The following PCLO variants were observed in gnomAD, a reference collection of about 807,000 sequenced individuals.
PCLO encodes piccolo presynaptic cytomatrix protein.
A neutral mutation model predicts 427.5 loss-of-function variants in PCLO; 82 were observed. That is an observed-to-expected ratio of 0.19 (90% CI 0.16 to 0.23). PCLO has a LOEUF of 0.23. Among genes scored for constraint, PCLO ranks in the 10% least tolerant of loss-of-function variants. PCLO has a pLI of 1.00. For synonymous variants in PCLO, 2,357 were observed against 2,155.4 expected (o/e 1.09, Z -2.59); for missense variants, 6,239 against 6,115.9 (o/e 1.02, Z -0.67).
At chr7:83,055,695 T>A (rs2116285862) in intron 3 of PCLO, among the ~76,000 whole-genome samples, 1 of 152,324 alleles carries the variant, frequency 6.6e-6, no homozygotes, top group East Asian at 1.9e-4. Context: ...TATTGCTGAA[T>A]ATATTTAAAA....
chr7:82,798,390 TC>T (rs529948593), intron 22 of PCLO, among the ~76,000 whole-genome samples: 34 of 152,216 alleles, frequency 2.2e-4, no homozygotes, highest in South Asian at 1.7e-3. Flanking sequence ...TTGTTTTTGT[TC>T]CCCCGCTAAA....
Position 82,837,641 on chromosome 7 carries a change from A to C in PCLO, c.14222+577T>G, listed in dbSNP as rs1792262729. Among the ~76,000 whole-genome samples, 3 of 152,112 alleles carry C rather than the reference A, an allele frequency of 2.0e-5. No individual in the cohort carries two copies. In the South Asian group the frequency reaches 6.2e-4, roughly 32 times the overall value. On this transcript the variant is annotated intron_variant, in intron 15 of 24. Coordinates refer to ENST00000333891, the MANE Select transcript of PCLO (RefSeq NM_033026.6). ...ACTTGCTTATATCAACAATTTATAC[A>C]TCACACAAGAGATTCAAAGAGATAT...
intron 3 of PCLO, among the ~76,000 whole-genome samples, chr7:83,103,675 C>T (rs549045057): frequency 1.3e-5 from 2 of 151,940 alleles, no homozygotes; most frequent in East Asian, 3.9e-4. Context: ...CAAATTGTCA[C>T]AGAAAAACAA....
chr7:82,956,853 G>A lies in PCLO; in HGVS notation c.4100C>T (p.Ser1367Phe), dbSNP rs777276751. 1 of 1,613,758 alleles carries A rather than the reference G, an allele frequency of 6.2e-7. No homozygotes were observed. The highest frequency in any genetic ancestry group is 1.7e-5 in the Admixed American group (1 of 60,014). ...PQGLSDTGYS[S>F]DGISSSLGEI... Reference sequence around the variant, plus strand: ...ACCAAGTGAGCTTGATATTCCATCGGAAGAATATCCCGTGTCGCTCAGACC... The same window carrying A: ...ACCAAGTGAGCTTGATATTCCATCGAAAGAATATCCCGTGTCGCTCAGACC... The change falls in exon 5 of 25, where the codon TCC (serine) becomes TTC (phenylalanine). Residue 1367 changes from serine (S) to phenylalanine (F), a missense_variant. Ser to Phe is a radical substitution (Grantham distance 155, BLOSUM62 -2). Coordinates refer to ENST00000333891, the MANE Select transcript of PCLO (RefSeq NM_033026.6).
At chr7:83,041,902 C>T (rs1310260735) in intron 3 of PCLO, among the ~76,000 whole-genome samples, 6 of 151,816 alleles carry the variant, frequency 4.0e-5, no homozygotes, top group African/African-American at 1.2e-4. Context: ...TACGAGCATC[C>T]CCTAGGGCTT....
At chr7:83,065,207 C>A (rs553402522) in intron 3 of PCLO, among the ~76,000 whole-genome samples, 1 of 152,072 alleles carries the variant, frequency 6.6e-6, no homozygotes, top group Admixed American at 6.6e-5. Flanking sequence ...TAGCCACAGT[C>A]AGCTCAGTAT....
At chr7:83,005,736 T>G (rs970860015) in intron 3 of PCLO, among the ~76,000 whole-genome samples, 1 of 151,634 alleles carries the variant, frequency 6.6e-6, no homozygotes, top group Non-Finnish European at 1.5e-5. Context: ...TACTTTTTAT[T>G]TGTTAATTAT....
At chr7:82,930,587 T>G (rs1794818291) in intron 6 of PCLO, among the ~76,000 whole-genome samples, 1 of 152,158 alleles carries the variant, frequency 6.6e-6, no homozygotes, top group Admixed American at 6.6e-5. Flanking sequence ...AAGTAGAAAC[T>G]AATGTTCAAA....
intron 3 of PCLO, among the ~76,000 whole-genome samples, chr7:82,995,048 G>A (rs1796464999): frequency 6.6e-6 from 1 of 151,978 alleles, no homozygotes; most frequent in Admixed American, 6.6e-5. Flanking sequence ...AAGTGATGAT[G>A]CTGAGGTAAT....
intron 3 of PCLO, among the ~76,000 whole-genome samples, chr7:83,007,594 T>G (rs1787979007): frequency 6.6e-6 from 1 of 151,636 alleles, no homozygotes; most frequent in Non-Finnish European, 1.5e-5. Context: ...AGATATCCAT[T>G]TCTTATTAAC....
chr7:83,130,474 C>T (rs1223628131), intron 3 of PCLO, among the ~76,000 whole-genome samples: 1 of 152,128 alleles, frequency 6.6e-6, no homozygotes, highest in African/African-American at 2.4e-5. Context: ...ACTGTGCTGA[C>T]CAGTCTCCAT....
chr7:82,976,413 G>A (rs1250778943), intron 3 of PCLO, among the ~76,000 whole-genome samples: 1 of 152,108 alleles, frequency 6.6e-6, no homozygotes, highest in Non-Finnish European at 1.5e-5. Context: ...TTTCACAACT[G>A]TGTATGAACA....
At chr7:83,162,029 C>T (rs1458131675) in intron 1 of PCLO, among the ~76,000 whole-genome samples, 1 of 152,216 alleles carries the variant, frequency 6.6e-6, no homozygotes, top group Non-Finnish European at 1.5e-5. Flanking sequence ...TGGAAGACTT[C>T]CAGATTAGTA....
At chr7:83,106,959 TC>T (rs1248032767) in intron 3 of PCLO, among the ~76,000 whole-genome samples, 1 of 117,516 alleles carries the variant, frequency 8.5e-6, no homozygotes, top group Non-Finnish European at 1.8e-5. Flanking sequence ...ACATATGTGC[TC>T]ATTAAGTAGT....
rs371462083 is a variant in PCLO, at chr7:82,956,955, T to G, written c.4018-20A>C. 1 of 1,547,396 alleles carries G rather than the reference T, an allele frequency of 6.5e-7. No individual in the cohort carries two copies. ...CTTTTCCTAAGCAGGGAGATAAAGA[T>G]ACAGGAAAACTTAACATGGTTAAAC... On this transcript the variant is annotated intron_variant, in intron 4 of 24. Coordinates refer to ENST00000333891, the MANE Select transcript of PCLO (RefSeq NM_033026.6).
At chr7:83,026,464 A>G (rs1339519598) in intron 3 of PCLO, among the ~76,000 whole-genome samples, 4 of 152,136 alleles carry the variant, frequency 2.6e-5, no homozygotes, top group African/African-American at 7.2e-5. Context: ...GCAAGTCCTG[A>G]GTGACCTACA....
At chr7:83,065,746 C>T (rs910515253) in intron 3 of PCLO, among the ~76,000 whole-genome samples, 1 of 151,894 alleles carries the variant, frequency 6.6e-6, no homozygotes, top group African/African-American at 2.4e-5. Flanking sequence ...AACAGGAAAG[C>T]TTTCATTTGT....
chr7:82,833,371 G>A (rs1056787663), intron 16 of PCLO, among the ~76,000 whole-genome samples: 12 of 152,148 alleles, frequency 7.9e-5, no homozygotes, highest in Non-Finnish European at 1.6e-4. Context: ...CTTCATATAT[G>A]CTCATTTCCA....
At chr7:82,917,849 A>G (rs1794503051) in intron 6 of PCLO, among the ~76,000 whole-genome samples, 1 of 151,964 alleles carries the variant, frequency 6.6e-6, no homozygotes, top group Non-Finnish European at 1.5e-5. Flanking sequence ...AAAAAATAAG[A>G]GTCTATAAAT....
Sources: gnomAD v4.1 joint callset for allele counts (sites outside exome capture counted in the v4.1 genomes callset) on GRCh38, gnomAD v4.1.1 for gene constraint, MANE v1.5 for transcripts, NCBI Gene and HGNC (gene_info 2026-07-23, HGNC 2026-07-21) for gene names.